The following KANK4 variants were observed in gnomAD, a reference collection of about 807,000 sequenced individuals.
KANK4 encodes the protein KN motif and ankyrin repeat domain-containing protein 4.
In KANK4, 50 loss-of-function variants were observed where a neutral mutation model predicts 80.8. That is an observed-to-expected ratio of 0.62 (90% confidence interval 0.49 to 0.78). The LOEUF (loss-of-function observed/expected upper bound fraction) is 0.78. Ranked by LOEUF, KANK4 falls within the 30% of genes least tolerant of loss-of-function variation. The pLI, the probability that KANK4 is intolerant of heterozygous loss-of-function variation, is 0.00. For missense variants in KANK4, 1,196 were observed against 1,240.1 expected, an observed-to-expected ratio of 0.96 and a Z score of 0.53; for synonymous variants, 465 against 506.9, an observed-to-expected ratio of 0.92 and a Z score of 1.11.
At chr1:62,246,091 C>G (rs138614806) in intron 9 of KANK4, among the ~76,000 whole-genome samples, 5,513 of 152,182 alleles carry the variant, frequency 0.036, 108 homozygotes, top group Middle Eastern at 0.051. Context: ...CGGTCAATCT[C>G]ACAAGATTGT....
At chr1:62,251,076 C>T (rs534446036) in intron 8 of KANK4, among the ~76,000 whole-genome samples, 1 of 152,140 alleles carries the variant, frequency 6.6e-6, no homozygotes, top group Non-Finnish European at 1.5e-5. Flanking sequence ...TAGTGAACAG[C>T]CTTGGAAGCT....
intron 8 of KANK4, among the ~76,000 whole-genome samples, chr1:62,252,487 C>T (rs1671646112): frequency 6.6e-6 from 1 of 152,226 alleles, no homozygotes; most frequent in Admixed American, 6.5e-5. Context: ...ACCTGCAGAA[C>T]TCTATAATAA....
Position 62,277,601 on chromosome 1 carries a change from C to G in KANK4, c.17-2514G>C, listed in dbSNP as rs867627306. Among the ~76,000 whole-genome samples the G allele has an allele frequency of 5.9e-5, 9 of 152,314 alleles. 1 individual carries two copies. The Middle Eastern group carries it at 0.017, about 288-fold the overall frequency. Reference sequence around the variant, plus strand: ...CAATGCACACTTATTGGGAAGCCAGCTGCCGTGTAATAAGTCCACCTTTCC... The same window carrying G: ...CAATGCACACTTATTGGGAAGCCAGGTGCCGTGTAATAAGTCCACCTTTCC... On this transcript the variant is annotated intron_variant, in intron 2 of 9. Coordinates refer to ENST00000371153, the MANE Select transcript of KANK4 (RefSeq NM_181712.5).
At chr1:62,267,999 G>A (rs1180816848) in intron 5 of KANK4, among the ~76,000 whole-genome samples, 1 of 152,070 alleles carries the variant, frequency 6.6e-6, no homozygotes, top group African/African-American at 2.4e-5. Context: ...CAGGACTGTT[G>A]GAAGTTGTGT....
At chr1:62,313,282 G>A (rs1168523734) in intron 1 of KANK4, among the ~76,000 whole-genome samples, 1 of 152,204 alleles carries the variant, frequency 6.6e-6, no homozygotes, top group African/African-American at 2.4e-5. Context: ...TATCTCCCAT[G>A]GGAAAGGAGG....
intron 1 of KANK4, among the ~76,000 whole-genome samples, chr1:62,284,599 G>A (rs575284702): frequency 2.6e-5 from 4 of 152,306 alleles, no homozygotes; most frequent in Admixed American, 2.6e-4. Flanking sequence ...GATTACAGGG[G>A]TGAGCCACGG....
At chr1:62,311,294 A>G (rs1395764874) in intron 1 of KANK4, among the ~76,000 whole-genome samples, 6 of 44,492 alleles carry the variant, frequency 1.3e-4, no homozygotes, top group Non-Finnish European at 2.3e-4. Context: ...TTTGCTCACC[A>G]ATACAACGGG....
Position 62,273,692 on chromosome 1 carries a change from C to T in KANK4, c.1412G>A (p.Arg471His), listed in dbSNP as rs749428629. The T allele has an allele frequency of 1.7e-5, 28 of 1,614,016 alleles. No homozygotes were observed. The highest frequency in any genetic ancestry group is 6.6e-5 in the South Asian group (6 of 91,080). Residue 471 changes from arginine to histidine, a missense_variant, in exon 3 of 10, where the codon CGT becomes CAT. Physicochemically the swap from Arg to His is conservative, Grantham distance 29. Transcript: ENST00000371153. Reference protein sequence around the residue: ...HKQGNQSPAERVLLPQLSLPQ... With the variant: ...HKQGNQSPAEHVLLPQLSLPQ... Reference sequence around the variant, plus strand: ...CAGTGACAGCTGGGGCAGAAGCACACGTTCTGCTGGGCTCTGATTCCCTTG... The same window carrying T: ...CAGTGACAGCTGGGGCAGAAGCACATGTTCTGCTGGGCTCTGATTCCCTTG...
At chr1:62,254,052 G>C (rs1040862440) in intron 7 of KANK4, among the ~76,000 whole-genome samples, 1 of 152,122 alleles carries the variant, frequency 6.6e-6, no homozygotes, top group Non-Finnish European at 1.5e-5. Context: ...GTGTTTGTAG[G>C]TCCTTTCCAA....
intron 2 of KANK4, among the ~76,000 whole-genome samples, chr1:62,277,108 C>T (rs778002233): frequency 9.2e-5 from 14 of 152,182 alleles, no homozygotes; most frequent in Non-Finnish European, 1.8e-4. Context: ...CAGCCTCTGC[C>T]TTCAAAGGAT....
chr1:62,262,988 A>C, intron 7 of KANK4, 104 bp downstream of exon 7: 1 of 825,966 alleles, frequency 1.2e-6, no homozygotes, highest in Non-Finnish European at 2.0e-6. Flanking sequence ...GTAACCAAAA[A>C]CCACTTGTAC....
intron 1 of KANK4, among the ~76,000 whole-genome samples, chr1:62,306,927 CCTT>C (rs1644456177): frequency 6.6e-6 from 1 of 152,314 alleles, no homozygotes; most frequent in Middle Eastern, 3.4e-3. Flanking sequence ...TTCACTCTGT[CCTT>C]CTTTTTAAGC....
chr1:62,273,804 C>T lies in KANK4; in HGVS notation c.1300G>A (p.Val434Ile), dbSNP rs775510783. The change falls in exon 3 of 10, where the codon GTC becomes ATC. Residue 434 changes from valine (V) to isoleucine (I), a missense_variant. Val to Ile is a conservative substitution (Grantham distance 29). Coordinates refer to ENST00000371153, the MANE Select transcript of KANK4 (RefSeq NM_181712.5). ...GACTCCATGCTGCCTAGAAGGTTGA[C>T]TTCAATGCCCTTATCACACGACTCC... ...TRESCDKGIE[V>I]NLLGSMESES... 6.2e-7 allele frequency: 1 copy of T among 1,614,158 alleles called. No individual in the cohort carries two copies. Among genetic ancestry groups the T allele is most frequent in the Non-Finnish European group, 8.5e-7 (1 of 1,180,026 alleles).
intron 9 of KANK4, among the ~76,000 whole-genome samples, chr1:62,246,764 ATT>A (rs573139827): frequency 7.1e-6 from 1 of 140,704 alleles, no homozygotes; most frequent in Non-Finnish European, 1.6e-5. Flanking sequence ...TACCTGGTTA[ATT>A]TTTTTTTTTT....
chr1:62,284,200 T>C (rs6680736), intron 1 of KANK4, among the ~76,000 whole-genome samples: 48,201 of 152,058 alleles, frequency 0.32, 8,271 homozygotes, highest in South Asian at 0.49. Flanking sequence ...TTCCTTCCAG[T>C]GGGCAATGCT....
chr1:62,277,204 TC>T (rs1450325046), intron 2 of KANK4, among the ~76,000 whole-genome samples: 1 of 152,206 alleles, frequency 6.6e-6, no homozygotes, highest in African/African-American at 2.4e-5. Flanking sequence ...ACAGGCTTCT[TC>T]CCTGACTTAT....
intron 5 of KANK4, among the ~76,000 whole-genome samples, 200 bp from the exon 6 acceptor site, chr1:62,267,019 G>T (rs1305856064): frequency 1.3e-5 from 2 of 152,064 alleles, no homozygotes; most frequent in African/African-American, 4.8e-5. Flanking sequence ...TGCTTCTGAA[G>T]ATGAGCCGAG....
At chr1:62,251,759 C>T (rs949785338) in intron 8 of KANK4, among the ~76,000 whole-genome samples, 9 of 152,110 alleles carry the variant, frequency 5.9e-5, no homozygotes, top group South Asian at 2.1e-4. Context: ...TTTGAAAGCC[C>T]GAGGCGGGTG....
intron 1 of KANK4, among the ~76,000 whole-genome samples, chr1:62,298,605 AACCGTGTG>A (rs1644386378): frequency 6.6e-6 from 1 of 152,168 alleles, no homozygotes; most frequent in African/African-American, 2.4e-5. Context: ...CAGCACTTGA[AACCGTGTG>A]ACCTTGGGTA....
Sources: gnomAD v4.1 joint callset for allele counts (sites outside exome capture counted in the v4.1 genomes callset) on GRCh38, gnomAD v4.1.1 for gene constraint, MANE v1.5 for transcripts, NCBI Gene and HGNC (gene_info 2026-07-23, HGNC 2026-07-21) for gene names.